DMD: variants seen among roughly 807,000 people sequenced by gnomAD.
DMD encodes mutant dystrophin.
In DMD, 63 loss-of-function variants were observed where a neutral mutation model predicts 330.1. The ratio of observed to expected loss-of-function variants is 0.19; its 90% CI spans 0.16 to 0.24. The LOEUF (loss-of-function observed/expected upper bound fraction) is 0.24, where lower values mean the gene tolerates loss of function less well. Ranked by LOEUF, DMD falls within the 10% of genes least tolerant of loss-of-function variation. The pLI is 1.00. For synonymous variants in DMD, 1,223 were observed against 959.8 expected (o/e 1.27, Z -5.07); for missense variants, 3,344 against 2,684.1 (o/e 1.25, Z -5.43).
intron 57 of DMD, among the ~76,000 whole-genome samples, chrX:31,484,112 G>C (rs2068603411): frequency 9.0e-6 from 1 of 111,193 alleles, no homozygotes; most frequent in African/African-American, 3.3e-5. Flanking sequence ...TTAAAAGAAA[G>C]AAAAATGAAG....
intron 5 of DMD, among the ~76,000 whole-genome samples, chrX:32,817,734 TAGAAGTTAACAA>T (rs2077882112): frequency 8.9e-6 from 1 of 111,975 alleles, no homozygotes; most frequent in African/African-American, 3.2e-5. Flanking sequence ...TTCATCCATA[TAGAAGTTAACAA>T]ATGCCTTTGG....
chrX:31,640,446 T>C (rs1293971480), intron 54 of DMD, among the ~76,000 whole-genome samples: 1 of 112,570 alleles, frequency 8.9e-6, no homozygotes, highest in Non-Finnish European at 1.9e-5. Flanking sequence ...GTTATGATTT[T>C]TTATAACTGC....
intron 44 of DMD, among the ~76,000 whole-genome samples, chrX:32,045,567 A>G (rs2096058777): frequency 1.8e-5 from 2 of 110,386 alleles, no homozygotes; most frequent in African/African-American, 6.6e-5. Flanking sequence ...CTATTTCTTC[A>G]TAGCAATACA....
chrX:31,431,084 G>A (rs2064036971), intron 60 of DMD, among the ~76,000 whole-genome samples: 1 of 110,281 alleles, frequency 9.1e-6, no homozygotes, highest in Non-Finnish European at 1.9e-5. Context: ...ACAGGCGTGA[G>A]CCACCGCGCC....
rs1403876177 is a variant in DMD at position 32,747,111 on chromosome X, C to T, written c.650-47818G>A. Among the ~76,000 whole-genome samples, 12 of 112,012 alleles carry T rather than the reference C, an allele frequency of 1.1e-4. No individual in the cohort carries two copies. In the East Asian group the frequency reaches 2.2e-3, roughly 21 times the overall value. On this transcript the variant is annotated intron_variant, in intron 7 of 78. Transcript: ENST00000357033. ...AAATTCATTTATCTGTTAATGGACA[C>T]TTAGGTTGATTCCGTATCTCAACAA...
At chrX:31,338,948 A>C (rs1220512013) in intron 61 of DMD, among the ~76,000 whole-genome samples, 5 of 55,209 alleles carry the variant, frequency 9.1e-5, no homozygotes, top group African/African-American at 2.4e-4. Flanking sequence ...ATGCACAAAA[A>C]AAAAAAAAAA....
intron 61 of DMD, among the ~76,000 whole-genome samples, chrX:31,324,331 T>C (rs761222404): frequency 9.0e-6 from 1 of 110,811 alleles, no homozygotes; most frequent in South Asian, 3.8e-4. Flanking sequence ...TCATTTCACA[T>C]ACTAGGAATT....
chrX:32,498,009 A>G (rs1444280895), intron 19 of DMD, among the ~76,000 whole-genome samples: 3 of 112,194 alleles, frequency 2.7e-5, no homozygotes, highest in Non-Finnish European at 3.8e-5. Context: ...ATGTAAAAAT[A>G]AACCTTAAAG....
intron 12 of DMD, among the ~76,000 whole-genome samples, chrX:32,598,233 G>A (rs967544584): frequency 8.9e-6 from 1 of 112,066 alleles, no homozygotes; most frequent in African/African-American, 3.2e-5. Flanking sequence ...TTTTGTGTGT[G>A]CAATCTATAC....
chrX:32,693,859 T>C (rs187591515), intron 9 of DMD, among the ~76,000 whole-genome samples: 149 of 111,514 alleles, frequency 1.3e-3, no homozygotes, highest in African/African-American at 4.7e-3. Flanking sequence ...ACCACTGAAA[T>C]TGTTCTTATT....
At chrX:31,932,747 A>AATAC (rs1336489617) in intron 45 of DMD, among the ~76,000 whole-genome samples, 24 of 111,149 alleles carry the variant, frequency 2.2e-4, no homozygotes, top group Non-Finnish European at 3.6e-4. Flanking sequence ...CTCCATCTCA[A>AATAC]ATACATACAT....
rs190355433 is a variant in DMD, at chrX:31,760,218, A to G, written c.7542+13742T>C. 8.0e-5 allele frequency among the ~76,000 whole-genome samples: 9 copies of G among 112,293 alleles called. No homozygotes were observed. The East Asian group carries it at 2.0e-3, about 24-fold the overall frequency. On this transcript the variant is annotated intron_variant, in intron 51 of 78. Transcript: ENST00000357033. The stretch of plus-strand genomic sequence containing the variant: ...TTGGAAATGTTGAGATCTTTTATCA[A>G]CTAGAAATGATAGTATATTTCCTAG...
chrX:33,028,841 A>C (rs996283197), intron 1 of DMD, among the ~76,000 whole-genome samples: 3 of 112,090 alleles, frequency 2.7e-5, no homozygotes, highest in Non-Finnish European at 3.8e-5. Context: ...GTGATTTCAA[A>C]TATCTCATCT....
intron 60 of DMD, among the ~76,000 whole-genome samples, chrX:31,380,819 C>A (rs1330091332): frequency 9.1e-6 from 1 of 110,388 alleles, no homozygotes; most frequent in Non-Finnish European, 1.9e-5. Flanking sequence ...TTGGACTGAC[C>A]CTGACACCCA....
intron 55 of DMD, among the ~76,000 whole-genome samples, chrX:31,621,021 C>T (rs1177328263): frequency 1.8e-5 from 2 of 111,687 alleles, no homozygotes; most frequent in East Asian, 5.6e-4. Context: ...TTTACATTCA[C>T]AACTGCTTCA....
intron 1 of DMD, among the ~76,000 whole-genome samples, chrX:33,044,112 C>G (rs1317253304): frequency 9.0e-6 from 1 of 111,225 alleles, no homozygotes; most frequent in Non-Finnish European, 1.9e-5. Flanking sequence ...TCCAGTCAGC[C>G]CATTTAATTT....
chrX:31,602,972 T>A (rs918791205), intron 55 of DMD, among the ~76,000 whole-genome samples: 12 of 111,856 alleles, frequency 1.1e-4, no homozygotes, highest in Non-Finnish European at 1.9e-4. Flanking sequence ...TTCCTACCCC[T>A]TGACTTTGGG....
At chrX:31,481,747 A>C (rs1255260876) in intron 57 of DMD, among the ~76,000 whole-genome samples, 1 of 111,843 alleles carries the variant, frequency 8.9e-6, no homozygotes, top group African/African-American at 3.3e-5. Context: ...AGCTCAGGGT[A>C]GGTTCCTAAG....
intron 2 of DMD, among the ~76,000 whole-genome samples, chrX:32,851,369 A>T (rs1307389390): frequency 8.9e-6 from 1 of 112,199 alleles, no homozygotes; most frequent in South Asian, 3.7e-4. Flanking sequence ...TTCTTTTGAA[A>T]TTCTACTCAA....
Sources: gnomAD v4.1 joint callset for allele counts (sites outside exome capture counted in the v4.1 genomes callset) on GRCh38, gnomAD v4.1.1 for gene constraint, MANE v1.5 for transcripts, NCBI Gene and HGNC (gene_info 2026-07-23, HGNC 2026-07-21) for gene names.